ASTN2: variants seen among roughly 807,000 people sequenced by gnomAD.
ASTN2 encodes the protein astrotactin 2.
ASTN2 carries 54 observed loss-of-function variants against 139.8 expected under a neutral mutation model. The ratio of observed to expected loss-of-function variants is 0.39; its 90% confidence interval spans 0.31 to 0.48. The LOEUF is 0.48. Ranked by LOEUF, ASTN2 falls within the 20% of genes least tolerant of loss-of-function variation. ASTN2 has a pLI of 0.95. For missense variants in ASTN2, 1,565 were observed against 1,725.1 expected, an observed-to-expected ratio of 0.91 and a Z score of 1.64; for synonymous variants, 756 against 719.5, an observed-to-expected ratio of 1.05 and a Z score of -0.81.
chr9:116,811,815 AT>A (rs1388065026), intron 12 of ASTN2, among the ~76,000 whole-genome samples: 1 of 152,160 alleles, frequency 6.6e-6, no homozygotes, highest in African/African-American at 2.4e-5. Context: ...CCATTTACAT[AT>A]CCCAGGAAGT....
intron 2 of ASTN2, among the ~76,000 whole-genome samples, chr9:117,223,348 G>T (rs550754905): frequency 6.6e-6 from 1 of 152,092 alleles, no homozygotes; most frequent in Non-Finnish European, 1.5e-5. Flanking sequence ...TAAACATCTC[G>T]CATACACAGG....
chr9:116,653,813 C>T (rs941296930), intron 16 of ASTN2, among the ~76,000 whole-genome samples: 4 of 152,230 alleles, frequency 2.6e-5, no homozygotes. Context: ...ATCTGGCCTC[C>T]ACCTTTTCTG....
At chr9:116,626,782 T>C (rs1856487474) in intron 17 of ASTN2, among the ~76,000 whole-genome samples, 1 of 152,130 alleles carries the variant, frequency 6.6e-6, no homozygotes, top group African/African-American at 2.4e-5. Flanking sequence ...ATGCTGACAA[T>C]ATGTGTAGTT....
intron 19 of ASTN2, among the ~76,000 whole-genome samples, chr9:116,498,023 G>A (rs767951503): frequency 1.3e-5 from 2 of 152,134 alleles, no homozygotes; most frequent in Non-Finnish European, 2.9e-5. Context: ...GGTTGCTGAC[G>A]GTGGGCCCTA....
chr9:117,294,156 C>T (rs903999285), intron 1 of ASTN2, among the ~76,000 whole-genome samples: 1 of 152,242 alleles, frequency 6.6e-6, no homozygotes, highest in Non-Finnish European at 1.5e-5. Flanking sequence ...TGAATTTGTA[C>T]CTAGCTAGAA....
Position 116,980,390 on chromosome 9 carries a change from TA to T in ASTN2, c.1592-3606del, listed in dbSNP as rs1041904593. Among the ~76,000 whole-genome samples, 800 of 142,864 alleles carry T rather than the reference TA, an allele frequency of 5.6e-3. 5 individuals are homozygous for T. Among genetic ancestry groups the T allele is most frequent in the Non-Finnish European group, 7.5e-3 (485 of 64,880 alleles). 93.7% of individuals were successfully genotyped at this position (142,864 alleles called of 152,430 possible). A position where few individuals can be genotyped will look rare whatever the true frequency, so the allele number is the denominator to read the frequency against. ...CCCCCTATATAAATAAAAGTTGAAT[TA>T]AAAAAAAAAAAGAAAAGTGTTTCCT... On this transcript the variant is annotated intron_variant, in intron 7 of 22. Coordinates refer to ENST00000313400, the MANE Select transcript of ASTN2 (RefSeq NM_001365068.1).
intron 10 of ASTN2, among the ~76,000 whole-genome samples, chr9:116,887,926 T>A (rs1028527501): frequency 6.6e-6 from 1 of 152,156 alleles, no homozygotes; most frequent in South Asian, 2.1e-4. Context: ...CCTCGGTTTC[T>A]CAAAATGCTG....
chr9:117,094,217 G>GAGAGT (rs1421270933), intron 5 of ASTN2, among the ~76,000 whole-genome samples: 7 of 94,996 alleles, frequency 7.4e-5, no homozygotes, highest in African/African-American at 2.4e-4. Flanking sequence ...GAGAGGAGAG[G>GAGAGT]AAAGGAAAGA....
chr9:117,311,373 C>T (rs1827971609), intron 1 of ASTN2, among the ~76,000 whole-genome samples: 1 of 152,128 alleles, frequency 6.6e-6, no homozygotes, highest in Non-Finnish European at 1.5e-5. Flanking sequence ...TTTCAGAGCC[C>T]TGTTTCCCAC....
chr9:116,754,707 C>G (rs1426388923), intron 13 of ASTN2, among the ~76,000 whole-genome samples: 1 of 152,248 alleles, frequency 6.6e-6, no homozygotes, highest in South Asian at 2.1e-4. Context: ...GTTGTATAGA[C>G]TCTCAAGCTG....
chr9:117,251,106 C>G lies in ASTN2; in HGVS notation c.631-36364G>C, dbSNP rs942151809. On this transcript the variant is annotated intron_variant, in intron 2 of 22. Coordinates refer to ENST00000313400, the MANE Select transcript of ASTN2 (RefSeq NM_001365068.1). ...GGAGTCAGCACTATGACAGCATCCT[C>G]GCTTTGCAGAGGAGAAGCTGAGAAC... Among the ~76,000 whole-genome samples, 6 of 152,252 alleles carry G rather than the reference C, an allele frequency of 3.9e-5. No individual in the cohort carries two copies. In the South Asian group the frequency reaches 1.2e-3, roughly 32 times the overall value.
intron 1 of ASTN2, among the ~76,000 whole-genome samples, chr9:117,300,394 T>C (rs1161260771): frequency 6.6e-6 from 1 of 152,202 alleles, no homozygotes; most frequent in Admixed American, 6.5e-5. Flanking sequence ...ATGCTGCAGG[T>C]GTGCAATAAA....
At chr9:116,530,095 A>G (rs56324627) in intron 19 of ASTN2, among the ~76,000 whole-genome samples, 24,505 of 45,324 alleles carry the variant, frequency 0.54, 3,271 homozygotes, top group African/African-American at 0.59. Context: ...ATAAAGTGTG[A>G]TATATATATA....
rs189396110 is a variant in ASTN2 at position 117,153,824 on chromosome 9, C to T, written c.1016-12346G>A. Among the ~76,000 whole-genome samples the T allele has an allele frequency of 3.9e-5, 6 of 152,200 alleles. No individual in the cohort carries two copies. In the East Asian group the frequency reaches 1.2e-3, roughly 29 times the overall value. On this transcript the variant is annotated intron_variant, in intron 3 of 22. Coordinates refer to ENST00000313400, the MANE Select transcript of ASTN2 (RefSeq NM_001365068.1). ...TGGCATTAGAGACTGTTAACACATC[C>T]ATTCACAGTTTTTAGAGTTGAGCTA...
chr9:116,667,295 T>C (rs1013258276), intron 16 of ASTN2, among the ~76,000 whole-genome samples: 1 of 152,098 alleles, frequency 6.6e-6, no homozygotes, highest in African/African-American at 2.4e-5. Context: ...AAAGATATTT[T>C]TGAAGCAGTT....
intron 2 of ASTN2, among the ~76,000 whole-genome samples, chr9:117,249,259 A>T (rs2133087825): frequency 6.6e-6 from 1 of 152,300 alleles, no homozygotes; most frequent in African/African-American, 2.4e-5. Flanking sequence ...ATCCACGGGA[A>T]ATCTGTTCTC....
At chr9:116,672,425 T>C (rs759381307) in intron 16 of ASTN2, among the ~76,000 whole-genome samples, 17 of 152,166 alleles carry the variant, frequency 1.1e-4, no homozygotes, top group Non-Finnish European at 4.4e-5. Context: ...TGTTAGGTTG[T>C]ATAAGAGTTT....
chr9:117,071,649 T>C (rs912402749), intron 5 of ASTN2, among the ~76,000 whole-genome samples: 1 of 149,462 alleles, frequency 6.7e-6, no homozygotes, highest in Non-Finnish European at 1.5e-5. Context: ...ACTGCTGTGC[T>C]AGCAATCAGC....
chr9:117,224,766 A>G (rs1203151970), intron 2 of ASTN2, among the ~76,000 whole-genome samples: 1 of 152,134 alleles, frequency 6.6e-6, no homozygotes, highest in East Asian at 1.9e-4. Context: ...CCTCTATCTG[A>G]AATACCCTTC....
Sources: allele counts gnomAD v4.1 joint callset (sites outside exome capture counted in the v4.1 genomes callset), GRCh38; gene constraint gnomAD v4.1.1; transcripts MANE v1.5; gene names NCBI Gene and HGNC (gene_info 2026-07-23, HGNC 2026-07-21).